Variants in KCNK17 observed in about 807,000 individuals in gnomAD.
KCNK17 encodes the protein potassium two pore domain channel subfamily K member 17, also known as potassium channel subfamily K member 17.
KCNK17 carries 27 observed loss-of-function variants against 24.6 expected under a neutral mutation model. That is an observed-to-expected ratio of 1.10 (90% CI 0.81 to 1.51). The LOEUF is 1.51. KCNK17 is among the 40% of genes most tolerant of loss of function. The probability of loss-of-function intolerance (pLI) is 0.00; values close to 1 mark genes in which losing one functional copy is unlikely to be tolerated. For synonymous variants in KCNK17, 181 were observed against 189.8 expected (o/e 0.95, Z 0.38); for missense variants, 450 against 436.6 (o/e 1.03, Z -0.27).
chr6:39,309,717 T>C (rs1389084907), intron 2 of KCNK17, among the ~76,000 whole-genome samples: 1 of 152,226 alleles, frequency 6.6e-6, no homozygotes. Flanking sequence ...GATCTCCTGC[T>C]ACCCTGGAAC....
At chr6:39,302,870 C>T (rs1363485107) in intron 4 of KCNK17, among the ~76,000 whole-genome samples, 1 of 152,054 alleles carries the variant, frequency 6.6e-6, no homozygotes, top group Non-Finnish European at 1.5e-5. Context: ...CACCTGACCC[C>T]TCTTCCTGGG....
intron 2 of KCNK17, among the ~76,000 whole-genome samples, chr6:39,309,561 G>A (rs1055838321): frequency 6.6e-6 from 1 of 152,136 alleles, no homozygotes; most frequent in African/African-American, 2.4e-5. Context: ...CAAGCTAGGG[G>A]TGGTAGAGCT....
At chr6:39,307,918 C>T (rs1305802480) in intron 2 of KCNK17, among the ~76,000 whole-genome samples, 1 of 152,230 alleles carries the variant, frequency 6.6e-6, no homozygotes, top group African/African-American at 2.4e-5. Context: ...ATTCCCATCT[C>T]AGGGCCTTTG....
In KCNK17 at chr6:39,314,217, A is replaced by C; in HGVS notation, c.104T>G (p.Leu35Arg). ...CAGCGTCCAGAACACGCCGGTGCCC[A>C]GCGCCAGGTAAGCCAGGTAGGCGAG... ...LLLAYLAYLA[L>R]GTGVFWTLEG... The change falls in exon 1 of 5, where the codon CTG becomes CGG. Residue 35 changes from leucine to arginine, a missense_variant. Physicochemically the swap from Leu to Arg is moderately radical, Grantham distance 102 (BLOSUM62 -2). Coordinates refer to ENST00000373231, the MANE Select transcript of KCNK17 (RefSeq NM_031460.4). 1 of 1,542,438 alleles carries C rather than the reference A, an allele frequency of 6.5e-7. No homozygotes were observed. Among genetic ancestry groups the C allele is most frequent in the Non-Finnish European group, 8.7e-7 (1 of 1,148,306 alleles).
chr6:39,300,314 G>T lies in KCNK17; in HGVS notation c.689-577C>A, dbSNP rs374520023. 4.4e-6 allele frequency: 3 copies of T among 680,950 alleles called. No homozygotes were observed. The East Asian group carries it at 8.5e-5, about 19-fold the overall frequency. The allele number at this position is 680,950 out of a possible 1,614,324, so 42.2% of individuals were successfully genotyped here. A position where few individuals can be genotyped will look rare whatever the true frequency, so the allele number is the denominator to read the frequency against. On this transcript the variant is annotated intron_variant, in intron 4 of 4. Transcript: ENST00000373231. ...TTTTTTTGTATTTTAGTAGAGACGGGGTTTCACCATTGTTGCCCAGGCTGG... is the reference window on the plus strand; with the variant it reads ...TTTTTTTGTATTTTAGTAGAGACGGTGTTTCACCATTGTTGCCCAGGCTGG...
At position 39,299,525 on chromosome 6, in the gene KCNK17, G is replaced by A. The variant is rs1761913272; in HGVS notation, c.901C>T (p.His301Tyr). The change falls in exon 5 of 5, where the codon CAC becomes TAC. Residue 301 changes from histidine (H) to tyrosine (Y), a missense_variant. His to Tyr is a moderately conservative substitution (Grantham distance 83). Transcript: ENST00000373231. ...RQGPDREPES[H>Y]SPQQGCYPEG... ...GGATAGCATCCTTGCTGTGGGGAGT[G>A]GGACTCTGGCTCCCGGTCAGGTCCC... is the stretch of plus-strand genomic sequence containing the variant. 1.1e-5 allele frequency: 17 copies of A among 1,614,178 alleles called. No homozygotes were observed. The highest frequency in any genetic ancestry group is 1.4e-5 in the Non-Finnish European group (17 of 1,180,020).
At chr6:39,305,507 C>A (rs1762020293) in intron 2 of KCNK17, among the ~76,000 whole-genome samples, 1 of 151,940 alleles carries the variant, frequency 6.6e-6, no homozygotes, top group Non-Finnish European at 1.5e-5. Context: ...GGGGGGTGGT[C>A]TCTGATCCTC....
At chr6:39,305,495 T>TGG (rs113046690) in intron 2 of KCNK17, among the ~76,000 whole-genome samples, 1 of 147,490 alleles carries the variant, frequency 6.8e-6, no homozygotes, top group Non-Finnish European at 1.5e-5. Flanking sequence ...AGGTAGAAGT[T>TGG]GGGGGGGTGG....
rs1203744083 is a variant in KCNK17 at position 39,311,099 on chromosome 6, CACACACACA to C, written c.238-101_238-93del. On this transcript the variant is annotated intron_variant, in intron 1 of 4. Coordinates refer to ENST00000373231, the MANE Select transcript of KCNK17 (RefSeq NM_031460.4). The stretch of plus-strand genomic sequence containing the variant: ...ACACACACACACACACACACACACA[CACACACACA>C]CACACACACACAAACAAACCTACAC... The C allele has an allele frequency of 2.0e-5, 11 of 563,172 alleles. No homozygotes were observed. In the African/African-American group the frequency reaches 2.4e-4, roughly 12 times the overall value. The allele number at this position is 563,172 out of a possible 1,614,324, so 34.9% of individuals were successfully genotyped here. A position where few individuals can be genotyped will look rare whatever the true frequency, so the allele number is the denominator to read the frequency against.
chr6:39,309,462 G>A (rs577605800), intron 2 of KCNK17, among the ~76,000 whole-genome samples: 1 of 152,366 alleles, frequency 6.6e-6, no homozygotes, highest in African/African-American at 2.4e-5. Flanking sequence ...TACTGTGTGT[G>A]TGGGGTGGGG....
chr6:39,305,327 T>C (rs1762016313), intron 2 of KCNK17, among the ~76,000 whole-genome samples: 1 of 152,240 alleles, frequency 6.6e-6, no homozygotes, highest in Non-Finnish European at 1.5e-5. Context: ...GCTCCTTCTC[T>C]TTTATCCTTC....
chr6:39,313,509 A>G (rs1331035280), intron 1 of KCNK17, among the ~76,000 whole-genome samples: 1 of 152,140 alleles, frequency 6.6e-6, no homozygotes, highest in Non-Finnish European at 1.5e-5. Context: ...ACCCTCCGGG[A>G]CAAACGCGCC....
chr6:39,314,102 C>T lies in KCNK17; in HGVS notation c.219G>A (p.Ala73=), dbSNP rs1209461027. 3 of 1,586,866 alleles carry T rather than the reference C, an allele frequency of 1.9e-6. No individual in the cohort carries two copies. The highest frequency in any genetic ancestry group is 2.6e-6 in the Non-Finnish European group (3 of 1,168,106). ...CCCTGACCCGGATCAGCGAGTCCAG[C>T]GCCGGGCGGTCCAGACACGTGAAGT... is the stretch of plus-strand genomic sequence containing the variant. The part of the protein sequence containing the change: ...LQNFTCLDRP[A]LDSLIRDVVQ... The change falls in exon 1 of 5, where the codon GCG becomes GCA. Residue 73 remains alanine (A), a synonymous_variant. Coordinates refer to ENST00000373231, the MANE Select transcript of KCNK17 (RefSeq NM_031460.4).
chr6:39,304,146 T>C lies in KCNK17; in HGVS notation c.514-15A>G. ...TTGTCAGGATCCTGTGGGTGCAACA[T>C]TGTCCCCAGGCCTCCTGAGGCCTTC... On this transcript the variant is annotated splice_polypyrimidine_tract_variant and intron_variant, in intron 3 of 4. Transcript: ENST00000373231. The C allele has an allele frequency of 6.2e-7, 1 of 1,603,870 alleles. No homozygotes were observed. Among genetic ancestry groups the C allele is most frequent in the African/African-American group, 1.3e-5 (1 of 74,918 alleles).
intron 4 of KCNK17, among the ~76,000 whole-genome samples, chr6:39,301,219 T>C (rs1233722934): frequency 6.6e-6 from 1 of 152,204 alleles, no homozygotes; most frequent in Non-Finnish European, 1.5e-5. Flanking sequence ...TTTAGTACCC[T>C]CCCTGGAGGT....
chr6:39,310,718 C>T (rs1762117812), intron 2 of KCNK17, among the ~76,000 whole-genome samples, 175 bp downstream of exon 2: 1 of 152,134 alleles, frequency 6.6e-6, no homozygotes. Context: ...GCTGAGTCAG[C>T]AGGTCTGTAG....
chr6:39,310,010 C>T (rs1338324559), intron 2 of KCNK17, among the ~76,000 whole-genome samples: 1 of 152,176 alleles, frequency 6.6e-6, no homozygotes, highest in Non-Finnish European at 1.5e-5. Context: ...GGTGCTCTTG[C>T]CTTACCCAAC....
chr6:39,314,074 C>A lies in KCNK17; in HGVS notation c.237+10G>T, dbSNP rs771033826. The A allele has an allele frequency of 1.1e-5, 17 of 1,555,702 alleles. No individual in the cohort carries two copies. The South Asian group carries it at 1.8e-4, about 16-fold the overall frequency. On this transcript the variant is annotated intron_variant, in intron 1 of 4. Transcript: ENST00000373231. ...CCGCCGCGCCCAGGCCGACGCCGCT[C>A]GCCCCTGACCCGGATCAGCGAGTCC...
At chr6:39,306,129 C>T (rs570291285) in intron 2 of KCNK17, among the ~76,000 whole-genome samples, 258 of 151,990 alleles carry the variant, frequency 1.7e-3, no homozygotes, top group African/African-American at 6.0e-3. Context: ...CTGCAAACTC[C>T]GCCTCCTGGG....
Sources: gnomAD v4.1 joint callset for allele counts (sites outside exome capture counted in the v4.1 genomes callset) on GRCh38, gnomAD v4.1.1 for gene constraint, MANE v1.5 for transcripts, NCBI Gene and HGNC (gene_info 2026-07-23, HGNC 2026-07-21) for gene names.